VWA3A: variants seen among roughly 807,000 people sequenced by gnomAD.
The protein encoded by VWA3A is von Willebrand factor A domain containing 3A.
In VWA3A, 134 loss-of-function variants were observed where a neutral mutation model predicts 160.4. The observed-to-expected ratio is 0.84, with a 90% CI of 0.73 to 0.96. VWA3A has a LOEUF of 0.96. Ranked by LOEUF, VWA3A falls within the 40% of genes least tolerant of loss-of-function variation. The probability of loss-of-function intolerance (pLI) is 0.00; values close to 1 mark genes in which losing one functional copy is unlikely to be tolerated. For missense variants in VWA3A, 1,310 were observed against 1,447.9 expected, an observed-to-expected ratio of 0.90 and a Z score of 1.55; for synonymous variants, 476 against 543.4, an observed-to-expected ratio of 0.88 and a Z score of 1.72.
intron 12 of VWA3A, 71 bp downstream of exon 12, chr16:22,119,098 A>C (rs1598064635): frequency 6.9e-7 from 1 of 1,452,318 alleles, no homozygotes; most frequent in Non-Finnish European, 9.2e-7. Context: ...CCCCTTTCTC[A>C]CCTGTTCATA....
intron 30 of VWA3A, 58 bp from the exon 31 acceptor site, chr16:22,152,453 C>A: frequency 6.3e-7 from 1 of 1,597,154 alleles, no homozygotes; most frequent in South Asian, 1.1e-5. Context: ...CGTGGGGAGT[C>A]ACACGAACTT....
At chr16:22,141,200 A>G (rs1199388069) in intron 23 of VWA3A, 2 of 471,620 alleles carry the variant, frequency 4.2e-6, no homozygotes, top group Admixed American at 2.3e-5. Flanking sequence ...TCTAATGTCA[A>G]AGGTATGGCA....
intron 6 of VWA3A, 149 bp downstream of exon 6, chr16:22,103,678 C>A: frequency 2.3e-6 from 2 of 879,276 alleles, no homozygotes; most frequent in Non-Finnish European, 3.5e-6. Context: ...AAAACCCCAG[C>A]CACAGCTGGA....
rs1440728343 is a variant in VWA3A, at chr16:22,131,694, T to C, written c.1837T>C (p.Tyr613His). The C allele has an allele frequency of 1.9e-6, 3 of 1,613,982 alleles. No homozygotes were observed. Among genetic ancestry groups the C allele is most frequent in the Non-Finnish European group, 2.5e-6 (3 of 1,179,866 alleles). Residue 613 changes from tyrosine to histidine, a missense_variant, in exon 19 of 34, where the codon TAC becomes CAC. Tyr to His is a moderately conservative substitution (Grantham distance 83). Transcript: ENST00000389398. ...AGACAAACACCAATCGCAGGGAATCTACCTCTTCACTGGGGGCATCCCCGA... is the reference window on the plus strand; with the variant it reads ...AGACAAACACCAATCGCAGGGAATCCACCTCTTCACTGGGGGCATCCCCGA... ...DKDKHQSQGI[Y>H]LFTGGIPDQD...
intron 17 of VWA3A, 50 bp from the exon 18 acceptor site, chr16:22,131,155 C>A (rs763135042): frequency 1.3e-6 from 2 of 1,580,482 alleles, no homozygotes; most frequent in Non-Finnish European, 1.7e-6. Context: ...AGGTGGGCCA[C>A]CAAGTGGACC....
At position 22,148,752 on chromosome 16, in the gene VWA3A, C is replaced by T. The variant is rs562684615; in HGVS notation, c.2984+446C>T. On this transcript the variant is annotated intron_variant, in intron 28 of 33. Coordinates refer to ENST00000389398, the MANE Select transcript of VWA3A (RefSeq NM_173615.5). Reference sequence around the variant, plus strand: ...CACCAGTGCACTCCTGCCTGGGCAACAGAGTAAGACCCTGTCTCAAAAAAA... The same window carrying T: ...CACCAGTGCACTCCTGCCTGGGCAATAGAGTAAGACCCTGTCTCAAAAAAA... Among the ~76,000 whole-genome samples the T allele has an allele frequency of 4.0e-5, 6 of 151,788 alleles. No individual in the cohort carries two copies. The East Asian group carries it at 1.2e-3, about 29-fold the overall frequency.
chr16:22,119,933 T>G (rs1034596533), intron 12 of VWA3A, among the ~76,000 whole-genome samples: 2 of 151,304 alleles, frequency 1.3e-5, no homozygotes, highest in African/African-American at 4.9e-5. Flanking sequence ...CAGGAGAATC[T>G]CTTGAACCCA....
At chr16:22,095,296 C>A (rs141884577) in intron 1 of VWA3A, among the ~76,000 whole-genome samples, 1 of 152,178 alleles carries the variant, frequency 6.6e-6, no homozygotes, top group East Asian at 1.9e-4. Flanking sequence ...CGTTCCAGAG[C>A]AAAGACAGCA....
intron 5 of VWA3A, among the ~76,000 whole-genome samples, chr16:22,102,901 T>C (rs532722408): frequency 2.0e-5 from 3 of 152,180 alleles, no homozygotes; most frequent in African/African-American, 7.2e-5. Flanking sequence ...CATGAGCAGG[T>C]TGAAGTCTGG....
At chr16:22,110,700 C>T (rs1445645059) in intron 7 of VWA3A, among the ~76,000 whole-genome samples, 188 bp from the exon 8 acceptor site, 1 of 152,210 alleles carries the variant, frequency 6.6e-6, no homozygotes, top group Admixed American at 6.5e-5. Context: ...ATGCTCATCC[C>T]ACCCACAGGA....
At chr16:22,143,244 T>A (rs1598100909) in intron 25 of VWA3A, among the ~76,000 whole-genome samples, 1 of 151,956 alleles carries the variant, frequency 6.6e-6, no homozygotes. Flanking sequence ...AAAATCTAGG[T>A]CTGCCACTTC....
intron 29 of VWA3A, 70 bp from the exon 30 acceptor site, chr16:22,150,625 T>C: frequency 2.6e-6 from 4 of 1,513,960 alleles, no homozygotes; most frequent in Admixed American, 2.2e-5. Flanking sequence ...GCACTACCTT[T>C]AGGCATTTGG....
rs1475055572 is a variant in VWA3A at position 22,116,820 on chromosome 16, C to T, written c.877C>T (p.Leu293Phe). Reference protein sequence around the residue: ...YIQQSTMGRDLIIHFITYRCD... With the variant: ...YIQQSTMGRDFIIHFITYRCD... ...CCAGCAGTCCACCATGGGAAGAGAC[C>T]TCATCATCCACTTCATCACCTACAG... Residue 293 changes from leucine (L) to phenylalanine (F), a missense_variant, in exon 10 of 34, where the codon CTC becomes TTC. Physicochemically the swap from Leu to Phe is conservative, Grantham distance 22. Coordinates refer to ENST00000389398, the MANE Select transcript of VWA3A (RefSeq NM_173615.5). 2.5e-6 allele frequency: 4 copies of T among 1,613,526 alleles called. No homozygotes were observed. Among genetic ancestry groups the T allele is most frequent in the African/African-American group, 2.7e-5 (2 of 75,056 alleles).
At chr16:22,117,249 C>A in intron 11 of VWA3A, 73 bp downstream of exon 11, 1 of 1,479,770 alleles carries the variant, frequency 6.8e-7, no homozygotes, top group Non-Finnish European at 9.2e-7. Context: ...CCCAGGAGAT[C>A]TGGGCCAGGA....
intron 3 of VWA3A, among the ~76,000 whole-genome samples, chr16:22,099,882 C>T (rs2045381433): frequency 2.0e-5 from 3 of 152,190 alleles, no homozygotes; most frequent in Admixed American, 1.3e-4. Context: ...TGAGACCAGC[C>T]TGGCCAAAAT....
intron 5 of VWA3A, among the ~76,000 whole-genome samples, chr16:22,102,127 G>C (rs939730169): frequency 6.6e-6 from 1 of 152,138 alleles, no homozygotes; most frequent in African/African-American, 2.4e-5. Context: ...AAGGCAGGAG[G>C]ATCGCTTGAG....
intron 5 of VWA3A, 94 bp from the exon 6 acceptor site, chr16:22,103,381 A>G (rs1033111155): frequency 4.2e-6 from 5 of 1,204,244 alleles, no homozygotes; most frequent in African/African-American, 3.1e-5. Flanking sequence ...AAAAAAAAAA[A>G]CAATTATTCA....
intron 14 of VWA3A, 50 bp from the exon 15 acceptor site, chr16:22,123,035 A>G (rs375096398): frequency 2.9e-5 from 43 of 1,494,434 alleles, no homozygotes; most frequent in Non-Finnish European, 3.4e-5. Context: ...AAATTAAACT[A>G]CATGTACTTC....
rs772293944 is a variant in VWA3A at position 22,133,062 on chromosome 16, G to A, written c.2035G>A (p.Ala679Thr). Residue 679 changes from alanine (A) to threonine (T), a missense_variant, in exon 20 of 34, where the codon GCA (alanine) becomes ACA (threonine). Ala to Thr is a moderately conservative substitution (Grantham distance 58). Transcript: ENST00000389398. ...AAAYKEVTRA[A>T]GGRFHWFGDT... ...CGCCTACAAGGAGGTCACCCGGGCT[G>A]CAGGTGGCCGCTTCCACTGGTTTGG... The A allele has an allele frequency of 6.2e-7, 1 of 1,613,556 alleles. No individual in the cohort carries two copies. The highest frequency in any genetic ancestry group is 8.5e-7 in the Non-Finnish European group (1 of 1,179,726).
Sources: gnomAD v4.1 joint callset for allele counts (sites outside exome capture counted in the v4.1 genomes callset) on GRCh38, gnomAD v4.1.1 for gene constraint, MANE v1.5 for transcripts, NCBI Gene and HGNC (gene_info 2026-07-23, HGNC 2026-07-21) for gene names.